BICC1: variants seen among roughly 807,000 people sequenced by gnomAD.
The protein encoded by BICC1 is BicC family RNA binding protein 1.
A neutral mutation model predicts 111.0 loss-of-function variants in BICC1; 43 were observed. The observed-to-expected ratio is 0.39, with a 90% CI of 0.30 to 0.50. The LOEUF is 0.50. BICC1 is among the 20% of genes least tolerant of loss of function. The pLI, the probability that BICC1 is intolerant of heterozygous loss-of-function variation, is 0.88. For missense variants in BICC1, 1,091 were observed against 1,203.2 expected (o/e 0.91, Z 1.38); for synonymous variants, 467 against 434.4 (o/e 1.07, Z -0.93).
intron 1 of BICC1, among the ~76,000 whole-genome samples, chr10:58,545,414 G>A (rs1260148376): frequency 6.6e-6 from 1 of 152,158 alleles, no homozygotes; most frequent in Admixed American, 6.6e-5. Context: ...GATTTGGAAA[G>A]TGGATCCTAC....
At chr10:58,622,399 T>C (rs1462776462) in intron 2 of BICC1, among the ~76,000 whole-genome samples, 1 of 152,196 alleles carries the variant, frequency 6.6e-6, no homozygotes, top group Non-Finnish European at 1.5e-5. Flanking sequence ...TAAAGGACTT[T>C]CATTCTTAGA....
intron 3 of BICC1, among the ~76,000 whole-genome samples, chr10:58,766,225 T>G (rs1842451831): frequency 6.6e-6 from 1 of 151,942 alleles, no homozygotes; most frequent in Non-Finnish European, 1.5e-5. Context: ...AAAAACCCAA[T>G]CTGTGAACCA....
chr10:58,555,965 T>C lies in BICC1; in HGVS notation c.190+42632T>C, dbSNP rs561188862. On this transcript the variant is annotated intron_variant, in intron 1 of 20. Transcript: ENST00000373886. ...TGAATGGGAAGTAATGTTGAATTGT[T>C]TATTCTTAAAATTTTTTTTTATTTC... 1.5e-3 allele frequency among the ~76,000 whole-genome samples: 229 copies of C among 152,298 alleles called. 1 individual carries two copies. Among genetic ancestry groups the C allele is most frequent in the Admixed American group, 1.2e-3 (19 of 15,282 alleles).
chr10:58,751,371 A>G, intron 3 of BICC1, among the ~76,000 whole-genome samples: 1 of 152,196 alleles, frequency 6.6e-6, no homozygotes, highest in East Asian at 1.9e-4. Context: ...TCAGCCTACC[A>G]TGCTATCCTT....
intron 2 of BICC1, among the ~76,000 whole-genome samples, chr10:58,642,496 C>G (rs1838152998): frequency 6.6e-6 from 1 of 152,074 alleles, no homozygotes. Context: ...TAATGAGTTC[C>G]TGGTGACTTG....
At chr10:58,794,659 A>G (rs893468668) in intron 9 of BICC1, among the ~76,000 whole-genome samples, 12 of 152,092 alleles carry the variant, frequency 7.9e-5, no homozygotes, top group Admixed American at 6.6e-5. Flanking sequence ...CGCTCAAGCA[A>G]TCCACCCACC....
At chr10:58,762,138 G>T (rs1004736319) in intron 3 of BICC1, among the ~76,000 whole-genome samples, 1 of 152,092 alleles carries the variant, frequency 6.6e-6, no homozygotes, top group Admixed American at 6.5e-5. Context: ...ACCCAGGCTG[G>T]TATGGGCCTT....
At chr10:58,633,981 T>TTTTTTTC (rs1837875286) in intron 2 of BICC1, among the ~76,000 whole-genome samples, 1 of 121,548 alleles carries the variant, frequency 8.2e-6, no homozygotes, top group Admixed American at 1.0e-4. Flanking sequence ...CTTTTTCTTT[T>TTTTTTTC]TTTTTTTTCT....
chr10:58,693,653 T>C (rs1839980762), intron 2 of BICC1, among the ~76,000 whole-genome samples: 2 of 152,110 alleles, frequency 1.3e-5, no homozygotes, highest in African/African-American at 4.8e-5. Flanking sequence ...GCTGCATAAA[T>C]GTCTTCTTTT....
At chr10:58,596,906 A>C (rs1844833412) in intron 1 of BICC1, among the ~76,000 whole-genome samples, 1 of 152,204 alleles carries the variant, frequency 6.6e-6, no homozygotes, top group African/African-American at 2.4e-5. Context: ...ATAGGAGAGG[A>C]CACAAACAAA....
intron 1 of BICC1, among the ~76,000 whole-genome samples, chr10:58,541,288 C>T (rs1352201109): frequency 3.3e-5 from 5 of 152,006 alleles, no homozygotes; most frequent in East Asian, 1.9e-4. Flanking sequence ...TGATCTTGTA[C>T]GTAGAAAACC....
chr10:58,813,790 C>T (rs1383701924), intron 17 of BICC1, 40 bp from the exon 18 acceptor site: 3 of 1,598,560 alleles, frequency 1.9e-6, no homozygotes, highest in Non-Finnish European at 2.6e-6. Flanking sequence ...AAAAACCCAC[C>T]TGATTAAATA....
chr10:58,595,613 C>G (rs886492370), intron 1 of BICC1, among the ~76,000 whole-genome samples: 13 of 152,182 alleles, frequency 8.5e-5, no homozygotes, highest in Non-Finnish European at 2.9e-5. Context: ...TCCTAAATGA[C>G]TGCTGGGTAA....
At chr10:58,547,873 T>C (rs2131903046) in intron 1 of BICC1, among the ~76,000 whole-genome samples, 1 of 152,254 alleles carries the variant, frequency 6.6e-6, no homozygotes, top group Admixed American at 6.5e-5. Context: ...AAGATGCTCA[T>C]GCACATCTTG....
intron 1 of BICC1, among the ~76,000 whole-genome samples, chr10:58,517,096 A>G (rs1480542265): frequency 6.6e-6 from 1 of 152,214 alleles, no homozygotes; most frequent in Non-Finnish European, 1.5e-5. Context: ...ATTTAAAAAA[A>G]ATTTCCCATA....
intron 17 of BICC1, among the ~76,000 whole-genome samples, chr10:58,810,263 C>T (rs559148554): frequency 2.2e-4 from 34 of 152,150 alleles, no homozygotes; most frequent in Admixed American, 3.9e-4. Context: ...TGAACTTCTT[C>T]CTATGGCTTT....
chr10:58,570,988 G>T (rs1843931147), intron 1 of BICC1, among the ~76,000 whole-genome samples: 1 of 152,090 alleles, frequency 6.6e-6, no homozygotes, highest in Non-Finnish European at 1.5e-5. Context: ...GTCATTTTTA[G>T]TACCCAGCAA....
At chr10:58,700,347 T>C (rs1471697582) in intron 2 of BICC1, among the ~76,000 whole-genome samples, 2 of 152,150 alleles carry the variant, frequency 1.3e-5, no homozygotes, top group Non-Finnish European at 2.9e-5. Flanking sequence ...GGGAGCCTGC[T>C]GGGCATGTTT....
Position 58,576,794 on chromosome 10 carries a change from G to T in BICC1, c.191-44061G>T, listed in dbSNP as rs377713572. ...GAATCTTATTTTCCTCACTTAATAAGGTATCACTTCTGGCTCACTTGCTTG... is the reference window on the plus strand; with the variant it reads ...GAATCTTATTTTCCTCACTTAATAATGTATCACTTCTGGCTCACTTGCTTG... On this transcript the variant is annotated intron_variant, in intron 1 of 20. Transcript: ENST00000373886. Among the ~76,000 whole-genome samples the T allele has an allele frequency of 2.0e-5, 3 of 152,082 alleles. No individual in the cohort carries two copies. The East Asian group carries it at 5.8e-4, about 29-fold the overall frequency.
Sources: gnomAD v4.1 joint callset for allele counts (sites outside exome capture counted in the v4.1 genomes callset) on GRCh38, gnomAD v4.1.1 for gene constraint, MANE v1.5 for transcripts, NCBI Gene and HGNC (gene_info 2026-07-23, HGNC 2026-07-21) for gene names.